PRTFDC1: variants seen among roughly 807,000 people sequenced by gnomAD.
The protein encoded by PRTFDC1 is phosphoribosyltransferase domain-containing protein 1.
A neutral mutation model predicts 34.6 loss-of-function variants in PRTFDC1; 38 were observed. The ratio of observed to expected loss-of-function variants is 1.10; its 90% CI spans 0.85 to 1.44. The LOEUF is 1.44. Among genes scored for constraint, PRTFDC1 ranks in the 40% most tolerant of loss-of-function variants. The probability of loss-of-function intolerance (pLI) is 0.00; values close to 1 mark genes in which losing one functional copy is unlikely to be tolerated. For missense variants in PRTFDC1, 270 were observed against 283.0 expected (o/e 0.95, Z 0.33); for synonymous variants, 93 against 98.1 (o/e 0.95, Z 0.31).
At chr10:24,938,256 A>G (rs1330023209) in intron 2 of PRTFDC1, among the ~76,000 whole-genome samples, 1 of 152,098 alleles carries the variant, frequency 6.6e-6, no homozygotes, top group Non-Finnish European at 1.5e-5. Context: ...ATTTGTTTCC[A>G]ACATGATGAA....
chr10:24,909,562 A>G (rs1848595313), intron 3 of PRTFDC1, among the ~76,000 whole-genome samples: 1 of 152,210 alleles, frequency 6.6e-6, no homozygotes. Context: ...GAATGGATGA[A>G]TTTTAAAATA....
intron 3 of PRTFDC1, among the ~76,000 whole-genome samples, chr10:24,895,092 C>T (rs748250880): frequency 6.6e-6 from 1 of 152,088 alleles, no homozygotes; most frequent in African/African-American, 2.4e-5. Context: ...AACTGGATGC[C>T]ACCTTAGAGA....
chr10:24,920,015 C>G (rs1848758811), intron 3 of PRTFDC1, among the ~76,000 whole-genome samples: 1 of 151,878 alleles, frequency 6.6e-6, no homozygotes, highest in Non-Finnish European at 1.5e-5. Flanking sequence ...AAGCTTTTAC[C>G]CTGTTGGTGG....
At chr10:24,874,532 A>G (rs1847929112) in intron 3 of PRTFDC1, among the ~76,000 whole-genome samples, 1 of 152,234 alleles carries the variant, frequency 6.6e-6, no homozygotes, top group Admixed American at 6.5e-5. Context: ...ACAAAGTTTA[A>G]TGTAACCAGT....
chr10:24,897,762 C>T (rs544761880), intron 3 of PRTFDC1, among the ~76,000 whole-genome samples: 3 of 152,186 alleles, frequency 2.0e-5, no homozygotes, highest in African/African-American at 7.2e-5. Context: ...AAAAAATAGA[C>T]GCTTTCTTTC....
rs140132324 is a variant in PRTFDC1 at position 24,921,884 on chromosome 10, G to A, written c.339+15300C>T. ...TAACAATAATGCTGTGTTTAATAAT[G>A]GCAAACTCATGCAAGAAAGGAATAT... On this transcript the variant is annotated intron_variant, in intron 3 of 8. Coordinates refer to ENST00000320152, the MANE Select transcript of PRTFDC1 (RefSeq NM_020200.7). 1.8e-4 allele frequency among the ~76,000 whole-genome samples: 27 copies of A among 152,154 alleles called. No homozygotes were observed. The East Asian group carries it at 5.2e-3, about 29-fold the overall frequency.
chr10:24,868,638 T>C (rs1241270467), intron 4 of PRTFDC1, among the ~76,000 whole-genome samples: 1 of 152,058 alleles, frequency 6.6e-6, no homozygotes, highest in Non-Finnish European at 1.5e-5. Flanking sequence ...AAATTTCTTT[T>C]GTAGAGACAC....
rs1283334110 is a variant in PRTFDC1 at position 24,894,347 on chromosome 10, AAG to A, written c.340-22286_340-22285del. 7.0e-3 allele frequency among the ~76,000 whole-genome samples: 1,063 copies of A among 151,010 alleles called. 12 individuals carry two copies. The highest frequency in any genetic ancestry group is 0.024 in the African/African-American group (987 of 40,954). On this transcript the variant is annotated intron_variant, in intron 3 of 8. Coordinates refer to ENST00000320152, the MANE Select transcript of PRTFDC1 (RefSeq NM_020200.7). ...TCAATCTCAAAAAAAAAAAAAAAAA[AAG>A]AGAGAGAAAAGAAAATAGGAGGGCA...
intron 1 of PRTFDC1, among the ~76,000 whole-genome samples, chr10:24,947,523 A>G (rs1849268700): frequency 6.6e-6 from 1 of 152,204 alleles, no homozygotes; most frequent in Non-Finnish European, 1.5e-5. Context: ...GGAAGTGACA[A>G]ACCCATTAAG....
intron 8 of PRTFDC1, among the ~76,000 whole-genome samples, chr10:24,850,594 T>G (rs1847468353): frequency 6.6e-6 from 1 of 152,154 alleles, no homozygotes; most frequent in Non-Finnish European, 1.5e-5. Context: ...ATTGCGTCAC[T>G]GCACTCTAGC....
chr10:24,931,913 G>GAAA (rs374618686), intron 3 of PRTFDC1, among the ~76,000 whole-genome samples: 1,466 of 132,276 alleles, frequency 0.011, 10 homozygotes, highest in East Asian at 0.025. Context: ...GGCACTATAA[G>GAAA]AAAAAAAAAA....
intron 4 of PRTFDC1, among the ~76,000 whole-genome samples, chr10:24,863,071 G>A (rs140104538): frequency 0.012 from 1,781 of 152,076 alleles, 39 homozygotes; most frequent in African/African-American, 0.041. Context: ...TAGAGAAGGG[G>A]TTTCACCCTG....
chr10:24,921,614 C>T (rs576249262), intron 3 of PRTFDC1, among the ~76,000 whole-genome samples: 2 of 151,630 alleles, frequency 1.3e-5, no homozygotes, highest in South Asian at 4.2e-4. Context: ...GGGCCCTTGA[C>T]GTACTGTTGT....
chr10:24,851,276 G>C, intron 8 of PRTFDC1, 112 bp downstream of exon 8: 1 of 1,438,306 alleles, frequency 7.0e-7, no homozygotes, highest in Non-Finnish European at 9.2e-7. Flanking sequence ...CCATACTCCT[G>C]ACATAGAAGA....
intron 3 of PRTFDC1, among the ~76,000 whole-genome samples, chr10:24,934,500 A>G (rs1564317850): frequency 6.6e-6 from 1 of 152,144 alleles, no homozygotes; most frequent in Admixed American, 6.5e-5. Flanking sequence ...GATAAGAAAC[A>G]TTTACAATCT....
chr10:24,858,585 C>T (rs1041702982), intron 4 of PRTFDC1, among the ~76,000 whole-genome samples, 176 bp from the exon 5 acceptor site: 1 of 152,056 alleles, frequency 6.6e-6, no homozygotes, highest in African/African-American at 2.4e-5. Context: ...TTAACAGGTC[C>T]TCTGGAATTA....
chr10:24,858,812 A>T (rs182624975), intron 4 of PRTFDC1, among the ~76,000 whole-genome samples: 1 of 152,312 alleles, frequency 6.6e-6, no homozygotes, highest in African/African-American at 2.4e-5. Flanking sequence ...CGGTAAATGC[A>T]TCATGGGTTC....
intron 2 of PRTFDC1, among the ~76,000 whole-genome samples, chr10:24,938,087 A>G (rs2132609355): frequency 6.7e-6 from 1 of 149,318 alleles, no homozygotes; most frequent in African/African-American, 2.5e-5. Context: ...TTAGCCGGGC[A>G]TGGTGGCGGG....
chr10:24,871,112 T>C (rs1318784351), intron 4 of PRTFDC1, among the ~76,000 whole-genome samples: 1 of 146,260 alleles, frequency 6.8e-6, no homozygotes, highest in Non-Finnish European at 1.5e-5. Context: ...TCTATAGCCA[T>C]CCTATGATTA....
Sources: gnomAD v4.1 joint callset for allele counts (sites outside exome capture counted in the v4.1 genomes callset) on GRCh38, gnomAD v4.1.1 for gene constraint, MANE v1.5 for transcripts, NCBI Gene and HGNC (gene_info 2026-07-23, HGNC 2026-07-21) for gene names.